The following ARHGAP24 variants were observed in gnomAD, a reference collection of about 807,000 sequenced individuals.
ARHGAP24 encodes Rho GTPase activating protein 24.
Under a neutral mutation model 76.4 loss-of-function variants are expected in ARHGAP24, and 50 were observed. The ratio of observed to expected loss-of-function variants is 0.65; its 90% CI spans 0.52 to 0.83. The LOEUF (loss-of-function observed/expected upper bound fraction) is 0.83, where lower values mean the gene tolerates loss of function less well. Among genes scored for constraint, ARHGAP24 ranks in the 40% least tolerant of loss-of-function variants. ARHGAP24 has a pLI of 0.00. For synonymous variants in ARHGAP24, 345 were observed against 323.3 expected, an observed-to-expected ratio of 1.07 and a Z score of -0.72; for missense variants, 930 against 914.2, an observed-to-expected ratio of 1.02 and a Z score of -0.22.
intron 2 of ARHGAP24, among the ~76,000 whole-genome samples, chr4:85,704,797 C>T (rs930641648): frequency 4.6e-5 from 7 of 151,924 alleles, no homozygotes; most frequent in Admixed American, 1.3e-4. Flanking sequence ...TCCTCAGTAC[C>T]GTATCTGGCA....
chr4:85,958,675 G>A (rs1738062960), intron 5 of ARHGAP24, among the ~76,000 whole-genome samples: 1 of 152,136 alleles, frequency 6.6e-6, no homozygotes, highest in Admixed American at 6.5e-5. Flanking sequence ...AAGGAATCAT[G>A]TTTTACATTT....
intron 3 of ARHGAP24, among the ~76,000 whole-genome samples, chr4:85,797,763 C>T (rs1728424258): frequency 6.6e-6 from 1 of 152,198 alleles, no homozygotes; most frequent in Non-Finnish European, 1.5e-5. Context: ...CACATGGCAT[C>T]CCCAAAGCCA....
intron 4 of ARHGAP24, among the ~76,000 whole-genome samples, chr4:85,932,888 G>C (rs926789774): frequency 6.6e-6 from 1 of 152,124 alleles, no homozygotes. Flanking sequence ...CTGGGAGCAC[G>C]AGCGCTCAGC....
At chr4:85,484,145 A>G (rs944343659) in intron 1 of ARHGAP24, among the ~76,000 whole-genome samples, 4 of 152,174 alleles carry the variant, frequency 2.6e-5, no homozygotes, top group Non-Finnish European at 5.9e-5. Context: ...CAGCTGGGTA[A>G]GTCCCACAGA....
chr4:85,956,413 C>CG (rs1367080829), intron 5 of ARHGAP24, among the ~76,000 whole-genome samples: 6 of 152,082 alleles, frequency 3.9e-5, no homozygotes, highest in African/African-American at 1.4e-4. Flanking sequence ...CCTTGTTACC[C>CG]GGGGGTTCTT....
At position 85,755,210 on chromosome 4, in the gene ARHGAP24, C is replaced by G. The variant is rs561718591; in HGVS notation, c.268+33238C>G. Among the ~76,000 whole-genome samples, 186 of 152,074 alleles carry G rather than the reference C, an allele frequency of 1.2e-3. 1 individual carries two copies. The South Asian group carries it at 0.013, about 11-fold the overall frequency. ...TTTTTTCTTGAATCATAAAATGTAA[C>G]TTTTTTTTCTTATTTACCATCCCAG... is the stretch of plus-strand genomic sequence containing the variant. On this transcript the variant is annotated intron_variant, in intron 3 of 9. Coordinates refer to ENST00000395184, the MANE Select transcript of ARHGAP24 (RefSeq NM_001025616.3).
chr4:85,697,897 C>T (rs1426375311), intron 2 of ARHGAP24, among the ~76,000 whole-genome samples: 2 of 152,070 alleles, frequency 1.3e-5, no homozygotes, highest in Non-Finnish European at 2.9e-5. Flanking sequence ...TTAGGGGCAC[C>T]CAATTTGAAA....
At chr4:85,993,259 T>C (rs1740443398) in intron 8 of ARHGAP24, among the ~76,000 whole-genome samples, 1 of 152,148 alleles carries the variant, frequency 6.6e-6, no homozygotes. Context: ...TTATTGCTGA[T>C]GTTATCTGGA....
chr4:85,621,090 C>T (rs1418258273), intron 2 of ARHGAP24, among the ~76,000 whole-genome samples: 1 of 152,088 alleles, frequency 6.6e-6, no homozygotes, highest in African/African-American at 2.4e-5. Flanking sequence ...ATCTATGTTA[C>T]TGCAAAGGAC....
chr4:85,526,649 A>G (rs971636840), intron 1 of ARHGAP24, among the ~76,000 whole-genome samples: 5 of 152,096 alleles, frequency 3.3e-5, no homozygotes, highest in African/African-American at 9.7e-5. Flanking sequence ...TATTTATCAA[A>G]CTAACTTTTA....
intron 2 of ARHGAP24, among the ~76,000 whole-genome samples, chr4:85,653,305 A>G (rs1340404631): frequency 6.6e-6 from 1 of 152,156 alleles, no homozygotes; most frequent in Non-Finnish European, 1.5e-5. Context: ...AACTTTCCAG[A>G]TTAATTTCTG....
At chr4:85,528,349 A>C (rs183108002) in intron 1 of ARHGAP24, among the ~76,000 whole-genome samples, 35 of 152,256 alleles carry the variant, frequency 2.3e-4, no homozygotes, top group African/African-American at 7.7e-4. Context: ...GCTTATTTTT[A>C]ATTGTAATAG....
At chr4:85,760,291 A>T (rs1332239212) in intron 3 of ARHGAP24, among the ~76,000 whole-genome samples, 1 of 152,152 alleles carries the variant, frequency 6.6e-6, no homozygotes, top group African/African-American at 2.4e-5. Flanking sequence ...AGTGTTCACT[A>T]TGTGCTGATT....
At chr4:85,814,940 G>A (rs1729172761) in intron 3 of ARHGAP24, among the ~76,000 whole-genome samples, 1 of 152,170 alleles carries the variant, frequency 6.6e-6, no homozygotes, top group South Asian at 2.1e-4. Flanking sequence ...CTGAAATCTA[G>A]GCGGAGGTTC....
chr4:85,639,210 CTT>C, intron 2 of ARHGAP24, among the ~76,000 whole-genome samples: 1 of 152,174 alleles, frequency 6.6e-6, no homozygotes, highest in African/African-American at 2.4e-5. Flanking sequence ...TTAGATATAA[CTT>C]ATTTCTCACT....
At chr4:85,904,507 T>C (rs1013346447) in intron 3 of ARHGAP24, among the ~76,000 whole-genome samples, 1 of 152,184 alleles carries the variant, frequency 6.6e-6, no homozygotes, top group Admixed American at 6.5e-5. Context: ...ATACAAACTA[T>C]ATCAAATGTC....
At chr4:85,906,284 G>A (rs1197296900) in intron 3 of ARHGAP24, among the ~76,000 whole-genome samples, 1 of 152,120 alleles carries the variant, frequency 6.6e-6, no homozygotes, top group Non-Finnish European at 1.5e-5. Flanking sequence ...TCAAATAAAT[G>A]AGGACACCCA....
chr4:85,898,219 C>T (rs1288559483), intron 3 of ARHGAP24, among the ~76,000 whole-genome samples: 1 of 151,660 alleles, frequency 6.6e-6, no homozygotes, highest in Non-Finnish European at 1.5e-5. Flanking sequence ...CCAACTCTTC[C>T]AATTCTTGTT....
intron 3 of ARHGAP24, among the ~76,000 whole-genome samples, chr4:85,868,125 C>T (rs943400066): frequency 3.3e-5 from 5 of 152,010 alleles, no homozygotes; most frequent in Non-Finnish European, 5.9e-5. Context: ...ATTAGTTCCG[C>T]CTGGAAAGGC....
Sources: allele counts gnomAD v4.1 joint callset (sites outside exome capture counted in the v4.1 genomes callset), GRCh38; gene constraint gnomAD v4.1.1; transcripts MANE v1.5; gene names NCBI Gene and HGNC (gene_info 2026-07-23, HGNC 2026-07-21).